KDM5A: variants seen among roughly 807,000 people sequenced by gnomAD.
The protein encoded by KDM5A is lysine demethylase 5A.
A neutral mutation model predicts 193.5 loss-of-function variants in KDM5A; 42 were observed. The ratio of observed to expected loss-of-function variants is 0.22; its 90% CI spans 0.17 to 0.28. The LOEUF is 0.28. KDM5A is among the 10% of genes least tolerant of loss of function. The probability of loss-of-function intolerance (pLI) is 1.00; values close to 1 mark genes in which losing one functional copy is unlikely to be tolerated. For synonymous variants in KDM5A, 796 were observed against 718.1 expected (o/e 1.11, Z -1.73); for missense variants, 1,692 against 2,055.1 (o/e 0.82, Z 3.42).
chr12:374,901 G>GC (rs1274685867), intron 3 of KDM5A, among the ~76,000 whole-genome samples: 1 of 151,974 alleles, frequency 6.6e-6, no homozygotes, highest in Admixed American at 6.6e-5. Flanking sequence ...TTGAACATTG[G>GC]CCCCCACTCT....
intron 17 of KDM5A, 89 bp from the exon 18 acceptor site, chr12:321,198 T>C: frequency 1.1e-6 from 1 of 883,892 alleles, no homozygotes; most frequent in East Asian, 2.4e-5. Flanking sequence ...AATTCAAACC[T>C]AAGCAATCCT....
chr12:345,014 G>A (rs1944052477), intron 10 of KDM5A, among the ~76,000 whole-genome samples: 2 of 152,104 alleles, frequency 1.3e-5, no homozygotes, highest in African/African-American at 4.8e-5. Context: ...GCCGTATTCA[G>A]GAGACCCATC....
intron 27 of KDM5A, among the ~76,000 whole-genome samples, chr12:287,871 A>T (rs776869047): frequency 3.9e-5 from 6 of 152,220 alleles, no homozygotes; most frequent in African/African-American, 1.2e-4. Context: ...TGTTTGCACT[A>T]TACTCACTGG....
intron 3 of KDM5A, among the ~76,000 whole-genome samples, chr12:372,676 C>G (rs1191693796): frequency 6.6e-6 from 1 of 152,154 alleles, no homozygotes; most frequent in African/African-American, 2.4e-5. Context: ...TACTAGTTTT[C>G]AAAGGGAATG....
intron 1 of KDM5A, chr12:387,367 C>A (rs10848877): frequency 2.0e-4 from 43 of 217,702 alleles, no homozygotes; most frequent in East Asian, 6.1e-4. Flanking sequence ...AGTAAAAAAA[C>A]TTTTTTTAAT....
At chr12:353,926 A>AAC in intron 8 of KDM5A, 150 bp downstream of exon 8, 1 of 661,530 alleles carries the variant, frequency 1.5e-6, no homozygotes, top group South Asian at 1.9e-5. Context: ...ATCTCAAAAA[A>AAC]AAAAAAAAAA....
chr12:376,717 G>A lies in KDM5A; in HGVS notation c.366+7314C>T, dbSNP rs187020076. 2.9e-3 allele frequency among the ~76,000 whole-genome samples: 448 copies of A among 152,250 alleles called. 2 individuals carry two copies. Among genetic ancestry groups the A allele is most frequent in the African/African-American group, 0.01 (430 of 41,532 alleles). On this transcript the variant is annotated intron_variant, in intron 3 of 27. Coordinates refer to ENST00000399788, the MANE Select transcript of KDM5A (RefSeq NM_001042603.3). ...GGAGCTGTTCCTATTCGGCCATCTT[G>A]GGAACATCTAGAGACAGTTTTAACA...
chr12:325,598 G>A (rs528722366), intron 14 of KDM5A, among the ~76,000 whole-genome samples: 1 of 152,312 alleles, frequency 6.6e-6, no homozygotes, highest in African/African-American at 2.4e-5. Flanking sequence ...GCTTGAACCT[G>A]AGAGGTGGAG....
At position 350,635 on chromosome 12, in the gene KDM5A, G is replaced by C. The variant is rs1944145265; in HGVS notation, c.1294C>G (p.Leu432Val). 3.1e-6 allele frequency: 5 copies of C among 1,614,026 alleles called. No homozygotes were observed. Among genetic ancestry groups the C allele is most frequent in the Middle Eastern group, 1.6e-4 (1 of 6,062 alleles). The change falls in exon 10 of 28, where the codon CTG (leucine) becomes GTG (valine). Residue 432 changes from leucine to valine, a missense_variant. Leu to Val is a conservative substitution (Grantham distance 32, BLOSUM62 1). Around this residue, in one of 11 missense-constraint regions of KDM5A, gnomAD observed 172 missense variants for 260.3 expected, o/e 0.66. Coordinates refer to ENST00000399788, the MANE Select transcript of KDM5A (RefSeq NM_001042603.3). ...FPVKDGRRKI[L>V]PEEEEYALSG... Reference sequence around the variant, plus strand: ...TAAATCTGCACCTCTTCTTCTGGCAGAATCTTTCTCCGCCCATCCTTCACC... The same window carrying C: ...TAAATCTGCACCTCTTCTTCTGGCACAATCTTTCTCCGCCCATCCTTCACC...
In KDM5A at chr12:309,964, C is replaced by G. The variant is rs771664221; in HGVS notation, c.3217G>C (p.Val1073Leu). ...CCAATGTCGGTCCGGGGGCTCAGCACCTACAAAAATAAAACCACCATTATA... is the reference window on the plus strand; with the variant it reads ...CCAATGTCGGTCCGGGGGCTCAGCAGCTACAAAAATAAAACCACCATTATA... ...KKNSSHTLLQ[V>L]LSPRTDIGVY... Residue 1073 changes from valine to leucine, a missense_variant and splice_region_variant, in exon 22 of 28, where the codon GTG (valine) becomes CTG (leucine). Around this residue, in one of 11 missense-constraint regions of KDM5A, gnomAD observed 965 missense variants for 1,061.0 expected, o/e 0.91. Coordinates refer to ENST00000399788, the MANE Select transcript of KDM5A (RefSeq NM_001042603.3). 1.2e-6 allele frequency: 2 copies of G among 1,611,944 alleles called. No homozygotes were observed. Among genetic ancestry groups the G allele is most frequent in the South Asian group, 1.1e-5 (1 of 90,518 alleles).
chr12:350,723 T>G lies in KDM5A; in HGVS notation c.1206A>C (p.Glu402Asp). 1.2e-6 allele frequency: 2 copies of G among 1,614,124 alleles called. No individual in the cohort carries two copies. Among genetic ancestry groups the G allele is most frequent in the Non-Finnish European group, 1.7e-6 (2 of 1,179,998 alleles). ...CTCCATATTCCACAATAACATCTTC[T>G]TCAATGCTGCTTACCAGCCGCCAAA... ...KEFWRLVSSI[E>D]EDVIVEYGAD... The change falls in exon 10 of 28, where the codon GAA becomes GAC. Residue 402 changes from glutamate to aspartate, a missense_variant. Coordinates refer to ENST00000399788, the MANE Select transcript of KDM5A (RefSeq NM_001042603.3).
At chr12:316,938 T>C (rs1157032621) in intron 19 of KDM5A, among the ~76,000 whole-genome samples, 1 of 152,204 alleles carries the variant, frequency 6.6e-6, no homozygotes, top group African/African-American at 2.4e-5. Context: ...TAAATTTCAG[T>C]TGTGTCACTC....
Position 293,173 on chromosome 12 carries a change from C to A in KDM5A, c.4456-4G>T. 6.2e-7 allele frequency: 1 copy of A among 1,610,032 alleles called. No homozygotes were observed. Among genetic ancestry groups the A allele is most frequent in the Non-Finnish European group, 8.5e-7 (1 of 1,177,712 alleles). ...GTTTCTCTTCCATGCTGTCATCCTT[C>A]AAAAATATAAATTTAGGAACAATTT... On this transcript the variant is annotated splice_region_variant and splice_polypyrimidine_tract_variant and intron_variant, in intron 26 of 27. Transcript: ENST00000399788.
At chr12:386,561 T>C (rs2137502924) in intron 1 of KDM5A, among the ~76,000 whole-genome samples, 1 of 152,272 alleles carries the variant, frequency 6.6e-6, no homozygotes, top group Non-Finnish European at 1.5e-5. Context: ...AAATAATCTG[T>C]TCAAGCTGGG....
intron 11 of KDM5A, among the ~76,000 whole-genome samples, chr12:333,903 C>T (rs932631421): frequency 2.6e-5 from 4 of 152,112 alleles, no homozygotes; most frequent in Non-Finnish European, 4.4e-5. Context: ...CTCTGTAAGG[C>T]GGATCAGTGA....
intron 3 of KDM5A, 53 bp from the exon 4 acceptor site, chr12:366,157 G>T: frequency 6.7e-7 from 1 of 1,497,588 alleles, no homozygotes. Flanking sequence ...CAAGCATCTT[G>T]ACTCTTAAGT....
intron 14 of KDM5A, among the ~76,000 whole-genome samples, chr12:327,160 T>C (rs1943800794): frequency 6.6e-6 from 1 of 152,188 alleles, no homozygotes; most frequent in Non-Finnish European, 1.5e-5. Flanking sequence ...AAGAAGGGTC[T>C]ATAGAGAAAT....
At chr12:377,798 T>C (rs558462341) in intron 3 of KDM5A, among the ~76,000 whole-genome samples, 3 of 152,236 alleles carry the variant, frequency 2.0e-5, no homozygotes, top group Non-Finnish European at 2.9e-5. Flanking sequence ...CCCAGAATGA[T>C]GGCAGTAAAA....
chr12:316,921 G>A (rs192975770), intron 19 of KDM5A, among the ~76,000 whole-genome samples: 1 of 152,162 alleles, frequency 6.6e-6, no homozygotes, highest in Admixed American at 6.5e-5. Flanking sequence ...TGAAGTGGAA[G>A]ATACTTTAAA....
Sources: allele counts gnomAD v4.1 joint callset (sites outside exome capture counted in the v4.1 genomes callset), GRCh38; gene constraint gnomAD v4.1.1; regional missense constraint gnomAD v4.1.1; transcripts MANE v1.5; gene names NCBI Gene and HGNC (gene_info 2026-07-23, HGNC 2026-07-21).